The following SLC6A7 variants were observed in gnomAD, a reference collection of about 807,000 sequenced individuals.
SLC6A7 encodes the protein solute carrier family 6 member 7, also known as sodium-dependent proline transporter.
In SLC6A7, 58 loss-of-function variants were observed where a neutral mutation model predicts 73.1. The ratio of observed to expected loss-of-function variants is 0.79; its 90% CI spans 0.64 to 0.99. The LOEUF (loss-of-function observed/expected upper bound fraction) is 0.99. SLC6A7 is among the 50% of genes least tolerant of loss of function. SLC6A7 has a pLI of 0.00. For synonymous variants in SLC6A7, 338 were observed against 338.7 expected (o/e 1.00, Z 0.02); for missense variants, 783 against 831.4 (o/e 0.94, Z 0.72).
rs201675148 is a variant in SLC6A7 at position 150,197,068 on chromosome 5, G to A, written c.376G>A (p.Val126Met). The change falls in exon 4 of 14, where the codon GTG (valine) becomes ATG (methionine). Residue 126 changes from valine to methionine, a missense_variant. Coordinates refer to ENST00000230671, the MANE Select transcript of SLC6A7 (RefSeq NM_014228.5). ...CGCCGGCGCAGCCATGCTGCTCATC[G>A]TGGGCTTGGTGGCCATCTACTACAA... Reference protein sequence around the residue: ...KGAGAAMLLIVGLVAIYYNMI... With the variant: ...KGAGAAMLLIMGLVAIYYNMI... 17 of 1,614,028 alleles carry A rather than the reference G, an allele frequency of 1.1e-5. No individual in the cohort carries two copies. Among genetic ancestry groups the A allele is most frequent in the South Asian group, 3.3e-5 (3 of 91,086 alleles).
chr5:150,207,765 G>T (rs1753770709), intron 13 of SLC6A7, among the ~76,000 whole-genome samples: 1 of 152,128 alleles, frequency 6.6e-6, no homozygotes, highest in Admixed American at 6.5e-5. Flanking sequence ...GATGGTAAAA[G>T]TACTAATACC....
At chr5:150,205,406 A>AG (rs11428067) in intron 12 of SLC6A7, 50 bp from the exon 13 acceptor site, 1,518,726 of 1,518,746 alleles carry the variant, frequency 1, 759,353 homozygotes, top group Admixed American at 1. Context: ...TCGGGCCTTA[A>AG]GCAGTTTAGA....
intron 1 of SLC6A7, among the ~76,000 whole-genome samples, chr5:150,193,809 G>A (rs192369298): frequency 9.0e-4 from 137 of 152,248 alleles, no homozygotes; most frequent in African/African-American, 3.0e-3. Flanking sequence ...TATGGTGCCC[G>A]GAACGGAGGA....
intron 10 of SLC6A7, 124 bp downstream of exon 10, chr5:150,204,162 T>C: frequency 1.0e-6 from 1 of 960,208 alleles, no homozygotes; most frequent in South Asian, 1.7e-5. Flanking sequence ...AGGAACCCAG[T>C]CCCTCCCCGG....
intron 4 of SLC6A7, among the ~76,000 whole-genome samples, chr5:150,198,733 A>G (rs115077605): frequency 0.014 from 2,129 of 151,644 alleles, 50 homozygotes; most frequent in African/African-American, 0.049. Context: ...CTAGGAGGCA[A>G]TGGGAGGGAA....
intron 1 of SLC6A7, among the ~76,000 whole-genome samples, chr5:150,193,310 C>A (rs1752867641): frequency 6.6e-6 from 1 of 152,208 alleles, no homozygotes; most frequent in East Asian, 1.9e-4. Flanking sequence ...GAAAGGAGAC[C>A]TTAGGAACAG....
At chr5:150,204,788 C>T (rs773137083) in intron 11 of SLC6A7, 39 bp from the exon 12 acceptor site, 22 of 1,474,128 alleles carry the variant, frequency 1.5e-5, no homozygotes, top group East Asian at 9.1e-5. Flanking sequence ...TTTGTGGGGC[C>T]GGCGGGTGGG....
intron 5 of SLC6A7, among the ~76,000 whole-genome samples, 180 bp from the exon 6 acceptor site, chr5:150,200,909 G>A (rs928116818): frequency 1.3e-5 from 2 of 152,234 alleles, no homozygotes; most frequent in African/African-American, 4.8e-5. Flanking sequence ...GGGAAGCAAG[G>A]TGGTGGTGCT....
Position 150,202,548 on chromosome 5 carries a change from C to T in SLC6A7, c.963-31C>T, listed in dbSNP as rs1314777697. ...AGAGGCTGAAAGGAAGGCCCACTCA[C>T]CCTGGCCCGCACCTGGACTTCTTCT... On this transcript the variant is annotated intron_variant, in intron 7 of 13. Transcript: ENST00000230671. The T allele has an allele frequency of 5.6e-6, 9 of 1,612,520 alleles. No individual in the cohort carries two copies. In the Admixed American group the frequency reaches 8.3e-5, roughly 15 times the overall value.
chr5:150,197,332 G>A, intron 4 of SLC6A7, 56 bp downstream of exon 4: 2 of 1,184,178 alleles, frequency 1.7e-6, no homozygotes, highest in Non-Finnish European at 1.2e-6. Context: ...GCTGAGGGTG[G>A]CCAGAGGGCA....
At position 150,197,220 on chromosome 5, in the gene SLC6A7, C is replaced by T. The variant is rs753309865; in HGVS notation, c.528C>T (p.Asn176=). Residue 176 remains asparagine, a synonymous_variant, in exon 4 of 14, where the codon AAC becomes AAT. Coordinates refer to ENST00000230671, the MANE Select transcript of SLC6A7 (RefSeq NM_014228.5). ...AGCACAGAGTCTCCAAGGACGGCAACGGGGCCCTGCCCCTCAACCTCACCT... is the reference window on the plus strand; with the variant it reads ...AGCACAGAGTCTCCAAGGACGGCAATGGGGCCCTGCCCCTCAACCTCACCT... ...CLEHRVSKDG[N]GALPLNLTCT... is the part of the protein sequence containing the mutation. 285 of 1,613,606 alleles carry T rather than the reference C, an allele frequency of 1.8e-4. No homozygotes were observed. Among genetic ancestry groups the T allele is most frequent in the Non-Finnish European group, 2.2e-4 (263 of 1,179,950 alleles).
Position 150,196,711 on chromosome 5 carries a change from G to T in SLC6A7, c.218-5G>T. 10 of 1,612,674 alleles carry T rather than the reference G, an allele frequency of 6.2e-6. No individual in the cohort carries two copies. The highest frequency in any genetic ancestry group is 8.5e-6 in the Non-Finnish European group (10 of 1,179,262). Reference sequence around the variant, plus strand: ...GGCCCTTGCTGACCACCCCGCTCCCGGCAGGCGCCTTCCTCGTGCCCTACT... The same window carrying T: ...GGCCCTTGCTGACCACCCCGCTCCCTGCAGGCGCCTTCCTCGTGCCCTACT... On this transcript the variant is annotated splice_region_variant and splice_polypyrimidine_tract_variant and intron_variant, in intron 2 of 13. Coordinates refer to ENST00000230671, the MANE Select transcript of SLC6A7 (RefSeq NM_014228.5).
intron 1 of SLC6A7, among the ~76,000 whole-genome samples, chr5:150,190,894 C>T (rs1752752524): frequency 6.6e-6 from 1 of 152,168 alleles, no homozygotes; most frequent in African/African-American, 2.4e-5. Flanking sequence ...TGCCCCTCAG[C>T]AGGGCTGAAG....
chr5:150,198,116 A>AAGGAAG (rs5872162), intron 4 of SLC6A7, among the ~76,000 whole-genome samples: 2 of 85,088 alleles, frequency 2.4e-5, no homozygotes, highest in Non-Finnish European at 4.8e-5. Context: ...AGAAAGAAAG[A>AAGGAAG]GAAAGAAAGA....
intron 2 of SLC6A7, 89 bp downstream of exon 2, chr5:150,195,000 G>C: frequency 8.5e-7 from 1 of 1,170,740 alleles, no homozygotes; most frequent in Non-Finnish European, 1.2e-6. Flanking sequence ...CTCAGCCACT[G>C]TCTCCTAGGC....
At chr5:150,190,765 G>T (rs914764904) in intron 1 of SLC6A7, among the ~76,000 whole-genome samples, 1 of 152,176 alleles carries the variant, frequency 6.6e-6, no homozygotes, top group African/African-American at 2.4e-5. Context: ...CATCTGAGGG[G>T]TGGGGAGTGG....
chr5:150,202,715 G>T lies in SLC6A7; in HGVS notation c.1087+12G>T. 2 of 1,613,590 alleles carry T rather than the reference G, an allele frequency of 1.2e-6. No homozygotes were observed. The highest frequency in any genetic ancestry group is 1.7e-6 in the Non-Finnish European group (2 of 1,179,674). On this transcript the variant is annotated intron_variant, in intron 8 of 13. Coordinates refer to ENST00000230671, the MANE Select transcript of SLC6A7 (RefSeq NM_014228.5). ...AGTAGCCAAAGCAGGTGGGCAGGCT[G>T]CCAGGCCTCAGTGGGGTGAGCATGT...
At chr5:150,190,908 G>A (rs898354747) in intron 1 of SLC6A7, among the ~76,000 whole-genome samples, 5 of 152,184 alleles carry the variant, frequency 3.3e-5, no homozygotes, top group Admixed American at 6.5e-5. Flanking sequence ...GCTGAAGGGA[G>A]GCAAAGACAG....
chr5:150,190,098 A>G lies in SLC6A7; in HGVS notation c.-230A>G. Reference sequence around the variant, plus strand: ...GTCTGGGTGTCTATGCGGGCGCAGCAGTGCACCCTTCCCCAGCCTCGGGCG... The same window carrying G: ...GTCTGGGTGTCTATGCGGGCGCAGCGGTGCACCCTTCCCCAGCCTCGGGCG... On this transcript the variant is annotated 5_prime_UTR_variant, in exon 1 of 14. Coordinates refer to ENST00000230671, the MANE Select transcript of SLC6A7 (RefSeq NM_014228.5). 2.3e-6 allele frequency: 1 copy of G among 441,242 alleles called. No homozygotes were observed. Among genetic ancestry groups the G allele is most frequent in the Non-Finnish European group, 4.0e-6 (1 of 253,000 alleles). The allele number at this position is 441,242 out of a possible 1,614,324, so 27.3% of individuals were successfully genotyped here. A position where few individuals can be genotyped will look rare whatever the true frequency, so the allele number is the denominator to read the frequency against.
Sources: gnomAD v4.1 joint callset for allele counts (sites outside exome capture counted in the v4.1 genomes callset) on GRCh38, gnomAD v4.1.1 for gene constraint, MANE v1.5 for transcripts, NCBI Gene and HGNC (gene_info 2026-07-23, HGNC 2026-07-21) for gene names.